MAPK10: variants seen among roughly 807,000 people sequenced by gnomAD.
The protein encoded by MAPK10 is mitogen-activated protein kinase 10, also known as JNK3 alpha protein kinase.
A neutral mutation model predicts 59.3 loss-of-function variants in MAPK10; 25 were observed. The observed-to-expected ratio is 0.42, with a 90% CI of 0.31 to 0.59. The LOEUF (loss-of-function observed/expected upper bound fraction) is 0.59. MAPK10 is among the 20% of genes least tolerant of loss of function. The probability of loss-of-function intolerance (pLI) is 0.15; values close to 1 mark genes in which losing one functional copy is unlikely to be tolerated. For missense variants in MAPK10, 351 were observed against 568.9 expected (o/e 0.62, Z 3.90); for synonymous variants, 190 against 200.5 (o/e 0.95, Z 0.44).
At chr4:86,216,530 A>G (rs1271793556) in intron 2 of MAPK10, among the ~76,000 whole-genome samples, 1 of 151,828 alleles carries the variant, frequency 6.6e-6, no homozygotes, top group Non-Finnish European at 1.5e-5. Flanking sequence ...AGATTTAAAT[A>G]GCAATGCCAT....
chr4:86,481,819 A>C (rs1243580405), intron 1 of MAPK10, among the ~76,000 whole-genome samples: 1 of 152,184 alleles, frequency 6.6e-6, no homozygotes. Context: ...GGAAACTGCC[A>C]ATCTGACAAG....
chr4:86,245,391 A>T (rs908099001), intron 2 of MAPK10, among the ~76,000 whole-genome samples: 1 of 151,022 alleles, frequency 6.6e-6, no homozygotes, highest in African/African-American at 2.4e-5. Context: ...AGCTCACTGC[A>T]GCCTCTGCCT....
At chr4:86,025,254 A>C in intron 13 of MAPK10, 1 of 357,712 alleles carries the variant, frequency 2.8e-6, no homozygotes, top group Non-Finnish European at 5.0e-6. Flanking sequence ...ATAGTTGTTA[A>C]ATGTTAACCA....
intron 2 of MAPK10, among the ~76,000 whole-genome samples, chr4:86,221,808 A>G (rs1349853869): frequency 2.0e-5 from 3 of 152,112 alleles, no homozygotes; most frequent in African/African-American, 7.2e-5. Context: ...TATCATGTTC[A>G]ATTGTAATCC....
intron 1 of MAPK10, among the ~76,000 whole-genome samples, chr4:86,482,285 A>G (rs1753667446): frequency 6.6e-6 from 1 of 152,160 alleles, no homozygotes; most frequent in Non-Finnish European, 1.5e-5. Context: ...GTAGGTGATT[A>G]TGAATTGTGA....
At position 86,304,594 on chromosome 4, in the gene MAPK10, G is replaced by A. The variant is rs539592905; in HGVS notation, c.-7+49936C>T. Among the ~76,000 whole-genome samples, 1,309 of 151,214 alleles carry A rather than the reference G, an allele frequency of 8.7e-3. 18 individuals carry two copies. The highest frequency in any genetic ancestry group is 0.012 in the Non-Finnish European group (808 of 67,740). ...TTTTTAGTAGAGACGGGGTTTCACC[G>A]TGTTAGCCAAGATGGTCTCGATCTC... On this transcript the variant is annotated intron_variant, in intron 2 of 13. Transcript: ENST00000641462.
In MAPK10 at chr4:86,493,843, C is replaced by G. The variant is rs147400946; in HGVS notation, c.-263+100067G>C. 1.4e-3 allele frequency among the ~76,000 whole-genome samples: 219 copies of G among 152,276 alleles called. 2 individuals carry two copies. Among genetic ancestry groups the G allele is most frequent in the African/African-American group, 4.8e-3 (200 of 41,540 alleles). ...TGTGTTTGTGGTCCCTTCTACCTTT[C>G]TTTTTCCAATACCCAAGAGAAGGTA... On this transcript the variant is annotated intron_variant, in intron 1 of 4. Coordinates refer to the MAPK10 transcript ENST00000502302.
intron 9 of MAPK10, among the ~76,000 whole-genome samples, chr4:86,084,079 G>A (rs1205157459): frequency 6.6e-6 from 1 of 152,198 alleles, no homozygotes; most frequent in African/African-American, 2.4e-5. Context: ...AGGGCCTTGG[G>A]TGAAACTCTG....
intron 3 of MAPK10, among the ~76,000 whole-genome samples, chr4:86,167,260 C>A (rs1176489175): frequency 6.6e-6 from 1 of 152,124 alleles, no homozygotes; most frequent in Non-Finnish European, 1.5e-5. Flanking sequence ...CAGGACCAGA[C>A]AGATTCACAG....
intron 2 of MAPK10, among the ~76,000 whole-genome samples, chr4:86,292,371 GA>G (rs1457272995): frequency 6.6e-6 from 1 of 152,108 alleles, no homozygotes; most frequent in East Asian, 1.9e-4. Flanking sequence ...TGTGTAGGAA[GA>G]AAAAACATTT....
intron 9 of MAPK10, among the ~76,000 whole-genome samples, chr4:86,073,740 T>C (rs1386781625): frequency 9.1e-6 from 1 of 110,378 alleles, no homozygotes; most frequent in Admixed American, 8.4e-5. Context: ...CTAGTTTGAT[T>C]GCACTGTGGT....
intron 8 of MAPK10, 26 bp downstream of exon 8, chr4:86,101,026 A>C (rs369724660): frequency 9.3e-6 from 15 of 1,608,026 alleles, no homozygotes; most frequent in Middle Eastern, 1.7e-4. Context: ...CATGGTTTTG[A>C]TGCTGCTCTC....
chr4:86,534,872 C>T (rs1758114531), intron 1 of MAPK10, among the ~76,000 whole-genome samples: 1 of 152,108 alleles, frequency 6.6e-6, no homozygotes, highest in South Asian at 2.1e-4. Flanking sequence ...CGCCAATGCA[C>T]TCCAGCCTGG....
At chr4:86,229,768 T>C (rs898202140) in intron 2 of MAPK10, among the ~76,000 whole-genome samples, 2 of 152,042 alleles carry the variant, frequency 1.3e-5, no homozygotes, top group African/African-American at 4.8e-5. Flanking sequence ...AAAAATGACA[T>C]GTTTAGGCAA....
At chr4:86,338,167 C>T (rs529378562) in intron 2 of MAPK10, among the ~76,000 whole-genome samples, 8 of 152,270 alleles carry the variant, frequency 5.3e-5, no homozygotes, top group South Asian at 2.1e-4. Flanking sequence ...TTGACCATTT[C>T]GTGACCCGGC....
intron 3 of MAPK10, 102 bp downstream of exon 3, chr4:86,194,234 A>G (rs1016809661): frequency 2.2e-6 from 2 of 890,884 alleles, no homozygotes; most frequent in Admixed American, 3.8e-5. Flanking sequence ...TGTTAATATG[A>G]TATAAATACT....
At chr4:86,042,107 AC>A (rs2041657525) in intron 11 of MAPK10, among the ~76,000 whole-genome samples, 1 of 152,256 alleles carries the variant, frequency 6.6e-6, no homozygotes, top group Non-Finnish European at 1.5e-5. Context: ...AAAATGTGGC[AC>A]ATATACACCT....
chr4:86,245,886 C>T (rs952376747), intron 2 of MAPK10, among the ~76,000 whole-genome samples: 3 of 151,950 alleles, frequency 2.0e-5, no homozygotes, highest in African/African-American at 7.3e-5. Flanking sequence ...TAATTAAACC[C>T]CAAAATATAT....
intron 1 of MAPK10, among the ~76,000 whole-genome samples, chr4:86,534,790 C>T (rs1318720885): frequency 1.3e-5 from 2 of 151,968 alleles, no homozygotes; most frequent in African/African-American, 4.8e-5. Flanking sequence ...CCTGTAATCC[C>T]AGCTATTCAG....
Sources: gnomAD v4.1 joint callset for allele counts (sites outside exome capture counted in the v4.1 genomes callset) on GRCh38, gnomAD v4.1.1 for gene constraint, MANE v1.5 for transcripts, NCBI Gene and HGNC (gene_info 2026-07-23, HGNC 2026-07-21) for gene names.